The following STXBP5L variants were observed in gnomAD, a reference collection of about 807,000 sequenced individuals.
The protein encoded by STXBP5L is syntaxin-binding protein 5-like.
STXBP5L carries 65 observed loss-of-function variants against 144.5 expected under a neutral mutation model. The observed-to-expected ratio is 0.45, with a 90% CI of 0.37 to 0.55. The LOEUF (loss-of-function observed/expected upper bound fraction) is 0.55, where lower values mean the gene tolerates loss of function less well. Among genes scored for constraint, STXBP5L ranks in the 20% least tolerant of loss-of-function variants. STXBP5L has a pLI of 0.00. For missense variants in STXBP5L, 1,298 were observed against 1,405.5 expected (o/e 0.92, Z 1.22); for synonymous variants, 505 against 469.6 (o/e 1.08, Z -0.97).
rs2047376719 is a variant in STXBP5L, at chr3:121,422,683, A to G, written c.*3586A>G. 1 of 152,206 alleles carries G rather than the reference A, an allele frequency of 6.6e-6. No homozygotes were observed. Among genetic ancestry groups the G allele is most frequent in the South Asian group, 2.1e-4 (1 of 4,826 alleles). 9.4% of individuals were successfully genotyped at this position (152,206 alleles called of 1,614,324 possible). A position where few individuals can be genotyped will look rare whatever the true frequency, so the allele number is the denominator to read the frequency against. On this transcript the variant is annotated 3_prime_UTR_variant, in exon 27 of 27. Transcript: ENST00000471454. ...TAACTGGAACTCTGAAAGGACAGTG[A>G]CAGAACTGAATGAGATGTTTTCCAG...
At chr3:121,298,020 A>G (rs536610677) in intron 19 of STXBP5L, among the ~76,000 whole-genome samples, 2 of 152,316 alleles carry the variant, frequency 1.3e-5, no homozygotes, top group South Asian at 2.1e-4. Context: ...TGGATCATAT[A>G]GTGGTTCTAT....
intron 5 of STXBP5L, among the ~76,000 whole-genome samples, chr3:121,081,215 TC>T (rs2042234210): frequency 6.6e-6 from 1 of 152,118 alleles, no homozygotes; most frequent in Non-Finnish European, 1.5e-5. Flanking sequence ...TAGTTCTTTT[TC>T]TTTATGCTAT....
At chr3:121,174,932 A>C (rs2046874247) in intron 9 of STXBP5L, among the ~76,000 whole-genome samples, 1 of 152,094 alleles carries the variant, frequency 6.6e-6, no homozygotes, top group Admixed American at 6.6e-5. Context: ...AGCTGGGGAA[A>C]GGGAACAGGA....
At chr3:121,281,523 A>G (rs767710046) in intron 19 of STXBP5L, among the ~76,000 whole-genome samples, 2 of 151,908 alleles carry the variant, frequency 1.3e-5, no homozygotes, top group African/African-American at 2.4e-5. Context: ...TAATAACCAT[A>G]TTTCAGGTGT....
intron 7 of STXBP5L, among the ~76,000 whole-genome samples, chr3:121,128,270 T>G (rs1317214869): frequency 6.6e-6 from 1 of 151,952 alleles, no homozygotes; most frequent in African/African-American, 2.4e-5. Flanking sequence ...CTGGCATGGC[T>G]CCTTGAAGCC....
chr3:121,026,975 C>T (rs981268158), intron 3 of STXBP5L, among the ~76,000 whole-genome samples: 16 of 151,916 alleles, frequency 1.1e-4, no homozygotes, highest in African/African-American at 3.4e-4. Context: ...CTTCTTTCTA[C>T]ATCTGTTGAT....
intron 20 of STXBP5L, among the ~76,000 whole-genome samples, chr3:121,361,204 T>C (rs7617178): frequency 0.75 from 113,767 of 152,100 alleles, 42,735 homozygotes; most frequent in East Asian, 0.93. Context: ...TTTCTCTTGC[T>C]ACTTTTAGAG....
chr3:120,971,688 T>C (rs553881481), intron 3 of STXBP5L, among the ~76,000 whole-genome samples: 20 of 150,876 alleles, frequency 1.3e-4, no homozygotes, highest in African/African-American at 4.9e-4. Flanking sequence ...TATACACACA[T>C]ATATAAGCAC....
chr3:121,254,089 C>A (rs926111809), intron 15 of STXBP5L, among the ~76,000 whole-genome samples: 4 of 152,050 alleles, frequency 2.6e-5, no homozygotes, highest in Non-Finnish European at 5.9e-5. Context: ...GGAGTTCAGG[C>A]CGGTTATTTT....
chr3:121,174,681 G>T (rs1451881078), intron 9 of STXBP5L, among the ~76,000 whole-genome samples: 1 of 152,100 alleles, frequency 6.6e-6, no homozygotes, highest in Non-Finnish European at 1.5e-5. Context: ...AAGGTATAAA[G>T]CCCCCTGGGG....
chr3:121,367,610 T>TG (rs1425685723), intron 20 of STXBP5L, among the ~76,000 whole-genome samples: 31 of 141,828 alleles, frequency 2.2e-4, no homozygotes, highest in Non-Finnish European at 3.2e-4. Flanking sequence ...TTTTTTTTTT[T>TG]TTTTTTTTTT....
chr3:121,220,412 A>G (rs1361530793), intron 10 of STXBP5L, among the ~76,000 whole-genome samples: 1 of 152,092 alleles, frequency 6.6e-6, no homozygotes, highest in Non-Finnish European at 1.5e-5. Flanking sequence ...GAATCTTTGT[A>G]TTAAATAACA....
At chr3:121,242,072 G>A (rs1292455504) in intron 14 of STXBP5L, among the ~76,000 whole-genome samples, 1 of 151,938 alleles carries the variant, frequency 6.6e-6, no homozygotes, top group African/African-American at 2.4e-5. Flanking sequence ...GCAAAATCAA[G>A]ATCAAAATCT....
chr3:121,407,310 G>A lies in STXBP5L; in HGVS notation c.2655G>A (p.Met885Ile), dbSNP rs1259966985. 6.2e-7 allele frequency: 1 copy of A among 1,611,708 alleles called. No homozygotes were observed. Among genetic ancestry groups the A allele is most frequent in the Admixed American group, 1.7e-5 (1 of 59,696 alleles). The change falls in exon 23 of 27, where the codon ATG becomes ATA. Residue 885 changes from methionine to isoleucine, a missense_variant. Physicochemically the swap from Met to Ile is conservative, Grantham distance 10. Coordinates refer to ENST00000471454, the MANE Select transcript of STXBP5L (RefSeq NM_001308330.2). ...GTATGGACCGAATGGGTGGATTAAT[G>A]CAACCGCCATATGAAGTTTGGAGGG... The part of the protein sequence containing the change: ...FSCMDRMGGL[M>I]QPPYEVWRDP...
chr3:121,006,428 T>G (rs1258986210), intron 3 of STXBP5L, among the ~76,000 whole-genome samples: 1 of 152,176 alleles, frequency 6.6e-6, no homozygotes, highest in African/African-American at 2.4e-5. Context: ...CATCCCTTTA[T>G]TTTGAGCCTA....
At chr3:121,082,445 C>T (rs2042294625) in intron 5 of STXBP5L, among the ~76,000 whole-genome samples, 1 of 152,066 alleles carries the variant, frequency 6.6e-6, no homozygotes, top group Non-Finnish European at 1.5e-5. Flanking sequence ...GACTTTGTGT[C>T]CTGCAACTTT....
chr3:121,208,629 G>T (rs1431325915), intron 10 of STXBP5L, among the ~76,000 whole-genome samples: 1 of 152,136 alleles, frequency 6.6e-6, no homozygotes, highest in Non-Finnish European at 1.5e-5. Context: ...TATAGTTTAA[G>T]CTTTGCTTGA....
rs569805615 is a variant in STXBP5L at position 121,201,198 on chromosome 3, C to A, written c.878-4725C>A. Among the ~76,000 whole-genome samples, 29 of 152,312 alleles carry A rather than the reference C, an allele frequency of 1.9e-4. No homozygotes were observed. In the South Asian group the frequency reaches 5.4e-3, roughly 28 times the overall value. ...CTCATATCCCAGTATGTGGATACCA[C>A]TGTATTGGGAGCATATATGTTTAGG... On this transcript the variant is annotated intron_variant, in intron 9 of 26. Transcript: ENST00000471454.
At position 121,407,268 on chromosome 3, in the gene STXBP5L, T is replaced by C. The variant is rs372303212; in HGVS notation, c.2613T>C (p.Ala871=). 426 of 1,580,560 alleles carry C rather than the reference T, an allele frequency of 2.7e-4. No homozygotes were observed. Among genetic ancestry groups the C allele is most frequent in the Non-Finnish European group, 3.6e-4 (418 of 1,165,372 alleles). ...PSGTFLSLKG[A]VLTFSCMDRM... is the part of the protein sequence containing the mutation. ...GTACATTCCTCTCATTGAAAGGAGC[T>C]GTGCTAACATTCTCCTGTATGGACC... Residue 871 remains alanine, a synonymous_variant, in exon 23 of 27, where the codon GCT becomes GCC. Transcript: ENST00000471454.
Sources: allele counts gnomAD v4.1 joint callset (sites outside exome capture counted in the v4.1 genomes callset), GRCh38; gene constraint gnomAD v4.1.1; transcripts MANE v1.5; gene names NCBI Gene and HGNC (gene_info 2026-07-23, HGNC 2026-07-21).